Variants in CLSTN2 observed in about 807,000 individuals in gnomAD.
The protein encoded by CLSTN2 is calsyntenin 2.
In CLSTN2, 48 loss-of-function variants were observed where a neutral mutation model predicts 101.2. That is an observed-to-expected ratio of 0.47 (90% confidence interval 0.38 to 0.60). The LOEUF is 0.60. Ranked by LOEUF, CLSTN2 falls within the 20% of genes least tolerant of loss-of-function variation. CLSTN2 has a pLI of 0.00. For synonymous variants in CLSTN2, 481 were observed against 463.6 expected, an observed-to-expected ratio of 1.04 and a Z score of -0.48; for missense variants, 1,160 against 1,238.2, an observed-to-expected ratio of 0.94 and a Z score of 0.95.
At chr3:140,313,530 G>A (rs1211161608) in intron 2 of CLSTN2, among the ~76,000 whole-genome samples, 4 of 152,210 alleles carry the variant, frequency 2.6e-5, no homozygotes, top group African/African-American at 9.6e-5. Context: ...GAATAGAGCT[G>A]AGAGTGCCTA....
At chr3:140,105,868 C>T (rs2107792292) in intron 1 of CLSTN2, among the ~76,000 whole-genome samples, 1 of 152,258 alleles carries the variant, frequency 6.6e-6, no homozygotes, top group South Asian at 2.1e-4. Context: ...CACATGGGAC[C>T]CTCTCTGAGC....
chr3:140,070,910 G>A (rs1221670547), intron 1 of CLSTN2, among the ~76,000 whole-genome samples: 10 of 152,042 alleles, frequency 6.6e-5, no homozygotes, highest in African/African-American at 2.4e-4. Flanking sequence ...GGTCACAAAA[G>A]TCTAAATTAT....
chr3:140,476,771 G>C lies in CLSTN2; in HGVS notation c.1344+10040G>C, dbSNP rs1229720187. 4.0e-5 allele frequency among the ~76,000 whole-genome samples: 6 copies of C among 150,396 alleles called. No individual in the cohort carries two copies. In the East Asian group the frequency reaches 7.9e-4, roughly 20 times the overall value. Reference sequence around the variant, plus strand: ...CCTCCTGGGTTCACACCATTCTCCTGCCTTAGCCTCCCGAGTAGCTGGGAC... The same window carrying C: ...CCTCCTGGGTTCACACCATTCTCCTCCCTTAGCCTCCCGAGTAGCTGGGAC... On this transcript the variant is annotated intron_variant, in intron 8 of 16. Transcript: ENST00000458420.
chr3:140,471,229 A>C (rs12632435), intron 8 of CLSTN2, among the ~76,000 whole-genome samples: 12,228 of 152,266 alleles, frequency 0.08, 645 homozygotes, highest in East Asian at 0.12. Context: ...CACACAGGAT[A>C]GGTTGACTAA....
intron 9 of CLSTN2, among the ~76,000 whole-genome samples, chr3:140,542,199 C>T (rs1935493951): frequency 6.6e-6 from 1 of 152,124 alleles, no homozygotes; most frequent in Admixed American, 6.5e-5. Flanking sequence ...CATATCCTGC[C>T]TTAGAACATC....
At position 140,466,670 on chromosome 3, in the gene CLSTN2, G is replaced by T; in HGVS notation, c.1283G>T (p.Arg428Leu). The T allele has an allele frequency of 6.2e-7, 1 of 1,614,114 alleles. No homozygotes were observed. Among genetic ancestry groups the T allele is most frequent in the Admixed American group, 1.7e-5 (1 of 60,028 alleles). ...AACTGCCGCCTCGTCTTTCTCTTGC[G>T]GAAGGACTTCGACCAGGCTGACACC... ...VHNCRLVFLL[R>L]KDFDQADTFR... is the part of the protein sequence containing the mutation. Residue 428 changes from arginine to leucine, a missense_variant, in exon 8 of 17, where the codon CGG becomes CTG. Arg to Leu is a moderately radical substitution (Grantham distance 102, BLOSUM62 -2). Transcript: ENST00000458420.
rs183204163 is a variant in CLSTN2 at position 140,230,847 on chromosome 3, A to G, written c.232+54774A>G. ...TGCTAAGCTGGTATCCGTGCAGGGA[A>G]TCACTCCCAAAGCACTCCTTCATTA... is the stretch of plus-strand genomic sequence containing the variant. On this transcript the variant is annotated intron_variant, in intron 2 of 16. Transcript: ENST00000458420. Among the ~76,000 whole-genome samples the G allele has an allele frequency of 1.4e-3, 219 of 152,280 alleles. 3 individuals are homozygous for G. Among genetic ancestry groups the G allele is most frequent in the South Asian group, 2.3e-3 (11 of 4,812 alleles).
At chr3:139,963,097 G>T (rs1007828927) in intron 1 of CLSTN2, among the ~76,000 whole-genome samples, 1 of 152,112 alleles carries the variant, frequency 6.6e-6, no homozygotes, top group Non-Finnish European at 1.5e-5. Flanking sequence ...TGAGAATGAG[G>T]AGGAGGAGGG....
At chr3:140,392,410 G>T (rs1045904312) in intron 2 of CLSTN2, among the ~76,000 whole-genome samples, 8 of 151,738 alleles carry the variant, frequency 5.3e-5, no homozygotes, top group South Asian at 2.1e-4. Context: ...TAGGACTCTA[G>T]GTTTTTATCA....
intron 1 of CLSTN2, among the ~76,000 whole-genome samples, chr3:140,104,173 G>T (rs935740534): frequency 2.0e-5 from 3 of 152,206 alleles, no homozygotes; most frequent in Admixed American, 2.0e-4. Context: ...GACTCCAGTG[G>T]TAATAAAGAT....
chr3:140,280,881 C>T (rs2086839493), intron 2 of CLSTN2, among the ~76,000 whole-genome samples: 2 of 152,138 alleles, frequency 1.3e-5, no homozygotes, highest in Non-Finnish European at 2.9e-5. Context: ...TAAATTGGAC[C>T]TGGGATGGCA....
chr3:140,228,546 T>G (rs1391163461), intron 2 of CLSTN2, among the ~76,000 whole-genome samples: 22 of 152,244 alleles, frequency 1.4e-4, no homozygotes. Context: ...TGCTTGCACA[T>G]TTTTGGGTAT....
At chr3:140,241,822 T>C (rs570800116) in intron 2 of CLSTN2, among the ~76,000 whole-genome samples, 1 of 148,214 alleles carries the variant, frequency 6.7e-6, no homozygotes, top group Non-Finnish European at 1.5e-5. Flanking sequence ...CATATATATA[T>C]ATACACACAC....
chr3:139,965,876 C>T (rs1338486692), intron 1 of CLSTN2, among the ~76,000 whole-genome samples: 1 of 152,212 alleles, frequency 6.6e-6, no homozygotes, highest in East Asian at 1.9e-4. Flanking sequence ...CAGTGACCTT[C>T]TCTCCCACTC....
At position 140,504,365 on chromosome 3, in the gene CLSTN2, CA is replaced by C. The variant is rs1319651399; in HGVS notation, c.1345-27948del. Among the ~76,000 whole-genome samples the C allele has an allele frequency of 1.6e-3, 218 of 140,406 alleles. 1 individual carries two copies. Among genetic ancestry groups the C allele is most frequent in the Middle Eastern group, 7.3e-3 (2 of 274 alleles). 92.1% of individuals were successfully genotyped at this position (140,406 alleles called of 152,430 possible). On this transcript the variant is annotated intron_variant, in intron 8 of 16. Transcript: ENST00000458420. ...GATTCAAGGAATATTTTTCTCATGCCAAAAAAAAAAAGGTGGTGCTCCACTA... is the reference window on the plus strand; with the variant it reads ...GATTCAAGGAATATTTTTCTCATGCCAAAAAAAAAAGGTGGTGCTCCACTA...
chr3:140,536,461 C>A (rs148281735), intron 9 of CLSTN2, among the ~76,000 whole-genome samples: 446 of 152,276 alleles, frequency 2.9e-3, no homozygotes, highest in Non-Finnish European at 4.6e-3. Flanking sequence ...TAGCTCCTTG[C>A]ATGCACTGAC....
intron 1 of CLSTN2, among the ~76,000 whole-genome samples, chr3:140,041,138 C>T (rs762172931): frequency 6.6e-6 from 1 of 152,164 alleles, no homozygotes. Flanking sequence ...AGTGGGAACA[C>T]ATAACTGTTC....
At chr3:140,117,245 CCTT>C (rs1283923803) in intron 1 of CLSTN2, among the ~76,000 whole-genome samples, 13 of 152,220 alleles carry the variant, frequency 8.5e-5, no homozygotes, top group African/African-American at 2.9e-4. Flanking sequence ...CAGCCTCTGA[CCTT>C]CTCAGAGCCA....
Position 140,413,482 on chromosome 3 carries a change from A to T in CLSTN2, c.638-7643A>T, listed in dbSNP as rs544329827. Among the ~76,000 whole-genome samples the T allele has an allele frequency of 3.3e-5, 5 of 152,274 alleles. No homozygotes were observed. The South Asian group carries it at 1.0e-3, about 32-fold the overall frequency. ...CTGAATTCTACCCAACATTGAAAGA[A>T]CTAATACCAGTCCTTCTCAAACTTT... On this transcript the variant is annotated intron_variant, in intron 4 of 16. Coordinates refer to ENST00000458420, the MANE Select transcript of CLSTN2 (RefSeq NM_022131.3).
Sources: allele counts gnomAD v4.1 joint callset (sites outside exome capture counted in the v4.1 genomes callset), GRCh38; gene constraint gnomAD v4.1.1; transcripts MANE v1.5; gene names NCBI Gene and HGNC (gene_info 2026-07-23, HGNC 2026-07-21).